Variants in PRP4K observed in about 807,000 individuals in gnomAD.
PRP4K encodes pre-mRNA processing factor kinase PRP4K, also known as serine/threonine-protein kinase PRP4 homolog.
the PRP4K span, chr6:4,057,245 G>A: frequency 1.9e-6 from 3 of 1,545,182 alleles, no homozygotes; most frequent in African/African-American, 1.4e-5. Context: ...TGACAAGACT[G>A]CTGACACTTG....
chr6:4,044,257 CT>C, the PRP4K span: 1 of 438,846 alleles, frequency 2.3e-6, no homozygotes, highest in Non-Finnish European at 4.0e-6. Flanking sequence ...TATTCGTTAC[CT>C]TTTGTTTTGC....
the PRP4K span, among the ~76,000 whole-genome samples, chr6:4,022,533 A>G: frequency 6.6e-6 from 1 of 150,978 alleles, no homozygotes; most frequent in Admixed American, 6.6e-5. Context: ...AGAAAGAGGT[A>G]TAGTCTCCCA....
At chr6:4,044,551 T>C in the PRP4K span, among the ~76,000 whole-genome samples, 3 of 152,328 alleles carry the variant, frequency 2.0e-5, no homozygotes, top group Middle Eastern at 3.4e-3. Flanking sequence ...GGTGTCATTA[T>C]GTGCTTGATG....
chr6:4,026,120 G>A, the PRP4K span, among the ~76,000 whole-genome samples: 1 of 152,124 alleles, frequency 6.6e-6, no homozygotes, highest in African/African-American at 2.4e-5. Flanking sequence ...TCCTGCCTCA[G>A]CCTCCCGAGT....
At chr6:4,049,225 TAAA>T in the PRP4K span, 3 of 949,398 alleles carry the variant, frequency 3.2e-6, no homozygotes, top group Non-Finnish European at 4.7e-6. Flanking sequence ...GTGCCATCTT[TAAA>T]AATTGTGGCA....
chr6:4,021,878 A>G, the PRP4K span, among the ~76,000 whole-genome samples: 12 of 152,136 alleles, frequency 7.9e-5, no homozygotes, highest in Non-Finnish European at 1.2e-4. Context: ...GCCAAGCCCT[A>G]AGTCTTTTCT....
chr6:4,059,390 ATCT>A, the PRP4K span, among the ~76,000 whole-genome samples: 1 of 152,180 alleles, frequency 6.6e-6, no homozygotes, highest in South Asian at 2.1e-4. Flanking sequence ...AAAATGTATC[ATCT>A]TCAAGCCTCA....
the PRP4K span, among the ~76,000 whole-genome samples, chr6:4,047,816 A>G: frequency 3.3e-5 from 5 of 152,076 alleles, no homozygotes; most frequent in Non-Finnish European, 7.4e-5. Context: ...GACATGAGAA[A>G]TAAGAGGCCT....
the PRP4K span, chr6:4,047,160 C>T: frequency 1.3e-6 from 2 of 1,587,900 alleles, no homozygotes; most frequent in South Asian, 1.1e-5. Context: ...AACATTAATG[C>T]TAATTTCCTT....
chr6:4,052,643 A>G, the PRP4K span: 5 of 1,205,646 alleles, frequency 4.1e-6, no homozygotes, highest in South Asian at 3.4e-5. Context: ...ATGCTTGCAA[A>G]TGTTTTTGCC....
At chr6:4,064,414 GAAAT>G in the PRP4K span, 1 of 152,402 alleles carries the variant, frequency 6.6e-6, no homozygotes, top group Non-Finnish European at 1.5e-5. Context: ...ATATGGGGTA[GAAAT>G]AAAATCTCTG....
the PRP4K span, among the ~76,000 whole-genome samples, chr6:4,032,912 A>G: frequency 6.6e-6 from 1 of 152,218 alleles, no homozygotes; most frequent in Non-Finnish European, 1.5e-5. Flanking sequence ...CAATCCATTA[A>G]CCATGTTAAT....
the PRP4K span, among the ~76,000 whole-genome samples, chr6:4,055,147 C>T: frequency 6.6e-6 from 1 of 152,180 alleles, no homozygotes; most frequent in African/African-American, 2.4e-5. Context: ...AGTTGTGTAG[C>T]AAACTGAAGT....
chr6:4,058,661 T>C, the PRP4K span: 2 of 1,108,318 alleles, frequency 1.8e-6, no homozygotes, highest in Admixed American at 1.9e-5. Context: ...TTATTGTATA[T>C]TAATTAAATT....
At chr6:4,059,708 C>T in the PRP4K span, among the ~76,000 whole-genome samples, 57 of 152,124 alleles carry the variant, frequency 3.7e-4, no homozygotes, top group African/African-American at 1.2e-3. Context: ...TGCAATGGCA[C>T]GATCTTGGCT....
chr6:4,058,839 A>G, the PRP4K span: 6 of 1,541,302 alleles, frequency 3.9e-6, no homozygotes, highest in Admixed American at 7.1e-5. Context: ...TGCAGCATGC[A>G]ATAGTTATTT....
chr6:4,036,825 A>C, the PRP4K span, among the ~76,000 whole-genome samples: 1 of 151,924 alleles, frequency 6.6e-6, no homozygotes, highest in South Asian at 2.1e-4. Flanking sequence ...CCATCACTAC[A>C]AAACAAAATA....
chr6:4,029,993 A>T, the PRP4K span, among the ~76,000 whole-genome samples: 1 of 146,778 alleles, frequency 6.8e-6, no homozygotes, highest in African/African-American at 2.5e-5. Flanking sequence ...CCCAGGCTGG[A>T]GTGCAATGGC....
the PRP4K span, chr6:4,031,644 C>T: frequency 6.2e-7 from 1 of 1,601,726 alleles, no homozygotes; most frequent in Non-Finnish European, 8.5e-7. Context: ...GCACAGTCGT[C>T]ACAAAAAAAA....
Sources: allele counts gnomAD v4.1 joint callset (sites outside exome capture counted in the v4.1 genomes callset), GRCh38; gene constraint gnomAD v4.1.1; transcripts MANE v1.5; gene names NCBI Gene and HGNC (gene_info 2026-07-23, HGNC 2026-07-21).